Variants in UBE3A observed in about 807,000 individuals in gnomAD.
UBE3A encodes ubiquitin protein ligase E3A.
UBE3A carries 6 observed loss-of-function variants against 83.4 expected under a neutral mutation model. That is an observed-to-expected ratio of 0.07 (90% CI 0.04 to 0.14). The LOEUF (loss-of-function observed/expected upper bound fraction) is 0.14, where lower values mean the gene tolerates loss of function less well. UBE3A is among the 10% of genes least tolerant of loss of function. The pLI is 1.00. For synonymous variants in UBE3A, 337 were observed against 355.4 expected (o/e 0.95, Z 0.58); for missense variants, 456 against 1,036.1 (o/e 0.44, Z 7.69).
intron 1 of UBE3A, among the ~76,000 whole-genome samples, chr15:25,429,328 T>C (rs1409087704): frequency 3.3e-5 from 5 of 152,176 alleles, no homozygotes; most frequent in African/African-American, 9.6e-5. Context: ...CCCCAAGGGA[T>C]AAAAATGGAC....
At chr15:25,401,709 T>C (rs1277289264) in intron 4 of UBE3A, among the ~76,000 whole-genome samples, 2 of 152,158 alleles carry the variant, frequency 1.3e-5, no homozygotes, top group East Asian at 1.9e-4. Context: ...TAAAGACTTG[T>C]TGCTTTTATC....
intron 11 of UBE3A, among the ~76,000 whole-genome samples, chr15:25,341,844 G>GT (rs1719638535): frequency 6.8e-6 from 1 of 146,696 alleles, no homozygotes; most frequent in Non-Finnish European, 1.5e-5. Flanking sequence ...TCCCAAACCA[G>GT]TAATTACAAT....
intron 1 of UBE3A, among the ~76,000 whole-genome samples, chr15:25,416,098 C>A (rs1316861756): frequency 6.6e-6 from 1 of 152,046 alleles, no homozygotes. Flanking sequence ...AATCGGCATG[C>A]CTTTAAAAAA....
chr15:25,419,717 A>G (rs1181732490), intron 1 of UBE3A, among the ~76,000 whole-genome samples: 1 of 152,184 alleles, frequency 6.6e-6, no homozygotes, highest in Non-Finnish European at 1.5e-5. Context: ...TCTATAACAC[A>G]TATAGAAGTA....
intron 4 of UBE3A, among the ~76,000 whole-genome samples, chr15:25,389,960 A>T (rs1249589223): frequency 1.3e-5 from 2 of 152,178 alleles, no homozygotes; most frequent in East Asian, 3.9e-4. Flanking sequence ...ACAAGAAAAC[A>T]AACAACCCAA....
intron 7 of UBE3A, among the ~76,000 whole-genome samples, chr15:25,358,271 G>GT (rs2077523915): frequency 6.6e-6 from 1 of 151,946 alleles, no homozygotes; most frequent in Non-Finnish European, 1.5e-5. Context: ...ACTTGAGAGG[G>GT]TGATGCATGG....
At position 25,334,463 on chromosome 15, in the gene UBE3A, A is replaced by ATAG. The variant is rs968583178; in HGVS notation, c.*4671_*4673dup. 7.9e-5 allele frequency: 12 copies of ATAG among 152,166 alleles called. No individual in the cohort carries two copies. The highest frequency in any genetic ancestry group is 6.5e-5 in the Admixed American group (1 of 15,280). 9.4% of individuals were successfully genotyped at this position (152,166 alleles called of 1,614,324 possible). ...GAACAGAAAACCTAACACCATTAAA[A>ATAG]TAGCAGTTATTTCTCAAATTTATCT... On this transcript the variant is annotated 3_prime_UTR_variant, in exon 13 of 13. Transcript: ENST00000648336.
At chr15:25,428,547 T>G (rs1892094883) in intron 1 of UBE3A, among the ~76,000 whole-genome samples, 1 of 152,210 alleles carries the variant, frequency 6.6e-6, no homozygotes, top group African/African-American at 2.4e-5. Context: ...TTGGATGAAA[T>G]GATCTTCATG....
At position 25,333,860 on chromosome 15, in the gene UBE3A, TACAG is replaced by T. The variant is rs1381514599; in HGVS notation, c.*5273_*5276del. The T allele has an allele frequency of 6.7e-6, 1 of 149,166 alleles. No homozygotes were observed. Among genetic ancestry groups the T allele is most frequent in the Non-Finnish European group, 1.5e-5 (1 of 67,580 alleles). 9.2% of individuals were successfully genotyped at this position (149,166 alleles called of 1,614,324 possible). A position where few individuals can be genotyped will look rare whatever the true frequency, so the allele number is the denominator to read the frequency against. The stretch of plus-strand genomic sequence containing the variant: ...GGACAAAACAACATGAAAATCTTGA[TACAG>T]AAGAAGCATTTAACAAAACCCACAG... On this transcript the variant is annotated 3_prime_UTR_variant, in exon 13 of 13. Coordinates refer to ENST00000648336, the MANE Select transcript of UBE3A (RefSeq NM_130839.5).
chr15:25,381,348 C>CA (rs1387578721), intron 4 of UBE3A, among the ~76,000 whole-genome samples: 5 of 152,138 alleles, frequency 3.3e-5, no homozygotes, highest in African/African-American at 1.2e-4. Flanking sequence ...GCCATAGAAA[C>CA]AGCTGCCAGA....
At chr15:25,341,620 G>A (rs188403575) in intron 11 of UBE3A, among the ~76,000 whole-genome samples, 3 of 151,044 alleles carry the variant, frequency 2.0e-5, no homozygotes, top group South Asian at 2.1e-4. Context: ...AAAATTAGCC[G>A]GGCGTGGTGG....
At chr15:25,403,535 C>T (rs2047619043) in intron 4 of UBE3A, among the ~76,000 whole-genome samples, 1 of 152,020 alleles carries the variant, frequency 6.6e-6, no homozygotes, top group Non-Finnish European at 1.5e-5. Flanking sequence ...GGTACAGTTG[C>T]TCTGGAAGAG....
intron 4 of UBE3A, among the ~76,000 whole-genome samples, chr15:25,401,058 A>G (rs2086960144): frequency 6.6e-6 from 1 of 152,150 alleles, no homozygotes. Flanking sequence ...TCAATTATCT[A>G]TTGAAATGAT....
At chr15:25,346,462 TAACTAA>T (rs1476632422) in intron 11 of UBE3A, 3 of 152,100 alleles carry the variant, frequency 2.0e-5, no homozygotes, top group African/African-American at 7.2e-5. Flanking sequence ...CCTGATATAA[TAACTAA>T]AATGTCCGAG....
intron 1 of UBE3A, among the ~76,000 whole-genome samples, chr15:25,412,202 A>T (rs1167383644): frequency 6.6e-6 from 1 of 152,220 alleles, no homozygotes; most frequent in Non-Finnish European, 1.5e-5. Context: ...TCCCATATTC[A>T]TCCATAAAGC....
At chr15:25,433,221 C>CCAA (rs1893989551) in intron 1 of UBE3A, among the ~76,000 whole-genome samples, 1 of 145,814 alleles carries the variant, frequency 6.9e-6, no homozygotes, top group Non-Finnish European at 1.5e-5. Flanking sequence ...GAGAGGCAGT[C>CCAA]TCACTCTGTC....
At chr15:25,367,466 CTGAAAA>C (rs2079516224) in intron 6 of UBE3A, among the ~76,000 whole-genome samples, 1 of 151,860 alleles carries the variant, frequency 6.6e-6, no homozygotes, top group Non-Finnish European at 1.5e-5. Context: ...CGAAAAAATA[CTGAAAA>C]TAAGTCCTAG....
At chr15:25,402,707 C>T (rs2087470204) in intron 4 of UBE3A, among the ~76,000 whole-genome samples, 1 of 152,202 alleles carries the variant, frequency 6.6e-6, no homozygotes, top group African/African-American at 2.4e-5. Context: ...GTCTCTCTCT[C>T]CATGCTGGGA....
intron 11 of UBE3A, among the ~76,000 whole-genome samples, chr15:25,345,112 T>G (rs1353684625): frequency 2.6e-5 from 4 of 151,924 alleles, no homozygotes; most frequent in Non-Finnish European, 5.9e-5. Flanking sequence ...ACAAGACTGG[T>G]TAGTAAGGAA....
Sources: gnomAD v4.1 joint callset for allele counts (sites outside exome capture counted in the v4.1 genomes callset) on GRCh38, gnomAD v4.1.1 for gene constraint, MANE v1.5 for transcripts, NCBI Gene and HGNC (gene_info 2026-07-23, HGNC 2026-07-21) for gene names.